Variants in SVEP1 observed in about 807,000 individuals in gnomAD.
SVEP1 encodes sushi, von Willebrand factor type A, EGF and pentraxin domain-containing protein 1.
Under a neutral mutation model 367.3 loss-of-function variants are expected in SVEP1, and 164 were observed. The observed-to-expected ratio is 0.45, with a 90% confidence interval of 0.39 to 0.51. The LOEUF is 0.51. Among genes scored for constraint, SVEP1 ranks in the 20% least tolerant of loss-of-function variants. The pLI is 0.00. For synonymous variants in SVEP1, 1,666 were observed against 1,611.6 expected (o/e 1.03, Z -0.81); for missense variants, 4,117 against 4,425.3 (o/e 0.93, Z 1.98).
At chr9:110,541,211 C>T (rs1191423477) in intron 3 of SVEP1, among the ~76,000 whole-genome samples, 1 of 152,146 alleles carries the variant, frequency 6.6e-6, no homozygotes, top group Non-Finnish European at 1.5e-5. Flanking sequence ...TAACTCATCT[C>T]AGCATCTGTC....
intron 1 of SVEP1, among the ~76,000 whole-genome samples, chr9:110,562,232 C>A (rs989540094): frequency 9.2e-4 from 133 of 144,494 alleles, no homozygotes; most frequent in Non-Finnish European, 7.3e-4. Context: ...ATATGAATAG[C>A]AAAAACAAAA....
chr9:110,414,790 A>C (rs1373064531), intron 36 of SVEP1, among the ~76,000 whole-genome samples: 2 of 151,982 alleles, frequency 1.3e-5, no homozygotes, highest in African/African-American at 4.9e-5. Context: ...AGCCTACTAG[A>C]TATTTAAACG....
chr9:110,493,629 G>A (rs940836903), intron 8 of SVEP1, among the ~76,000 whole-genome samples: 1 of 152,164 alleles, frequency 6.6e-6, no homozygotes, highest in African/African-American at 2.4e-5. Context: ...CTACTTGGGA[G>A]GCTGAGGTAG....
intron 13 of SVEP1, 83 bp from the exon 14 acceptor site, chr9:110,476,398 C>G (rs576557250): frequency 9.9e-7 from 1 of 1,011,654 alleles, no homozygotes; most frequent in Middle Eastern, 2.0e-4. Context: ...CTGGCCTTCA[C>G]GTCTCCATCA....
chr9:110,431,405 C>G (rs1828346963), intron 32 of SVEP1, among the ~76,000 whole-genome samples: 1 of 152,072 alleles, frequency 6.6e-6, no homozygotes, highest in Non-Finnish European at 1.5e-5. Flanking sequence ...CTCTTCACAA[C>G]AAATGAAGAA....
In SVEP1 at chr9:110,375,477, A is replaced by AAAAAAAAAAC; in HGVS notation, c.10505-15_10505-14insGTTTTTTTTT. ...GAATGCAGATTGCTAAAAAAAAAAAAAAAAAAAAAAAAAGGAGGCAGGGGG... is the reference window on the plus strand; with the variant it reads ...GAATGCAGATTGCTAAAAAAAAAAAAAAAAAAAAACAAAAAAAAAAAAAGGAGGCAGGGGG... On this transcript the variant is annotated splice_polypyrimidine_tract_variant and intron_variant, in intron 45 of 47. Coordinates refer to ENST00000374469, the MANE Select transcript of SVEP1 (RefSeq NM_153366.4). 1 of 1,515,170 alleles carries AAAAAAAAAAC rather than the reference A, an allele frequency of 6.6e-7. No homozygotes were observed. The allele number at this position is 1,515,170 out of a possible 1,614,324, so 93.9% of individuals were successfully genotyped here.
chr9:110,564,971 T>C (rs1202385948), intron 1 of SVEP1, among the ~76,000 whole-genome samples: 1 of 152,120 alleles, frequency 6.6e-6, no homozygotes, highest in African/African-American at 2.4e-5. Context: ...CAGTGTTCTT[T>C]AAATATGCAC....
chr9:110,432,444 T>C lies in SVEP1; in HGVS notation c.5233+18A>G. Reference sequence around the variant, plus strand: ...AGCTAGAATAATCTCATATAGTAGTTGCCAACATTTATCTCACCAAGGCAG... The same window carrying C: ...AGCTAGAATAATCTCATATAGTAGTCGCCAACATTTATCTCACCAAGGCAG... On this transcript the variant is annotated intron_variant, in intron 31 of 47. Coordinates refer to ENST00000374469, the MANE Select transcript of SVEP1 (RefSeq NM_153366.4). The C allele has an allele frequency of 6.2e-7, 1 of 1,604,230 alleles. No individual in the cohort carries two copies. Among genetic ancestry groups the C allele is most frequent in the South Asian group, 1.1e-5 (1 of 89,054 alleles).
chr9:110,390,127 TTATATAAGTATATA>T lies in SVEP1; in HGVS notation c.9823-554_9823-541del, dbSNP rs1564127249. Among the ~76,000 whole-genome samples, 25 of 110,672 alleles carry T rather than the reference TTATATAAGTATATA, an allele frequency of 2.3e-4. No homozygotes were observed. In the South Asian group the frequency reaches 7.2e-3, roughly 32 times the overall value. 72.6% of individuals were successfully genotyped at this position (110,672 alleles called of 152,430 possible). ...TATATAAGTATATATACATACATACTTATATAAGTATATATACAAGTATATACATACATACTTAT... is the reference window on the plus strand; with the variant it reads ...TATATAAGTATATATACATACATACTTACAAGTATATACATACATACTTAT... On this transcript the variant is annotated intron_variant, in intron 40 of 47. Coordinates refer to ENST00000374469, the MANE Select transcript of SVEP1 (RefSeq NM_153366.4).
At chr9:110,446,816 T>A in intron 25 of SVEP1, 84 bp downstream of exon 25, 5 of 1,283,796 alleles carry the variant, frequency 3.9e-6, no homozygotes, top group Non-Finnish European at 5.0e-6. Context: ...CTACGGACAC[T>A]GCTTGGTGCA....
chr9:110,390,906 T>C (rs1490987880), intron 40 of SVEP1, among the ~76,000 whole-genome samples: 1 of 152,086 alleles, frequency 6.6e-6, no homozygotes, highest in Non-Finnish European at 1.5e-5. Flanking sequence ...GTTTACCCAA[T>C]TAACTCAGGG....
intron 5 of SVEP1, among the ~76,000 whole-genome samples, chr9:110,512,331 C>A (rs76340547): frequency 6.6e-6 from 1 of 151,942 alleles, no homozygotes; most frequent in African/African-American, 2.4e-5. Flanking sequence ...AAAGTAGGTC[C>A]TGGAGTTGGC....
chr9:110,366,972 C>A (rs1827211291), intron 47 of SVEP1, among the ~76,000 whole-genome samples: 1 of 152,198 alleles, frequency 6.6e-6, no homozygotes, highest in Admixed American at 6.5e-5. Flanking sequence ...CAATTTCCTT[C>A]TGAACAACTG....
At chr9:110,483,058 G>A (rs1354893355) in intron 10 of SVEP1, among the ~76,000 whole-genome samples, 1 of 152,142 alleles carries the variant, frequency 6.6e-6, no homozygotes, top group African/African-American at 2.4e-5. Flanking sequence ...CTAGGCAATA[G>A]GTAAGTCTGC....
At chr9:110,392,133 T>TTTTATATATATATA (rs1554710906) in intron 40 of SVEP1, among the ~76,000 whole-genome samples, 22 of 99,666 alleles carry the variant, frequency 2.2e-4, no homozygotes, top group African/African-American at 3.9e-4. Context: ...CAATTCCTCA[T>TTTTATATATATATA]TATATATATA....
intron 40 of SVEP1, among the ~76,000 whole-genome samples, chr9:110,390,214 C>CA (rs1827620189): frequency 1.8e-5 from 1 of 55,154 alleles, no homozygotes; most frequent in Non-Finnish European, 3.6e-5. Context: ...TATGTATATA[C>CA]TTGTATATAT....
chr9:110,552,755 T>C (rs1405353599), intron 1 of SVEP1, among the ~76,000 whole-genome samples: 1 of 152,180 alleles, frequency 6.6e-6, no homozygotes. Context: ...TGTGGCCCAG[T>C]TCCTAACAGG....
intron 7 of SVEP1, among the ~76,000 whole-genome samples, chr9:110,497,867 T>C (rs1829475166): frequency 6.6e-6 from 1 of 152,236 alleles, no homozygotes; most frequent in Non-Finnish European, 1.5e-5. Context: ...CGTCTTCTTG[T>C]TTCTTCAAAA....
chr9:110,465,828 G>T (rs754367263), intron 18 of SVEP1, 37 bp downstream of exon 18: 1 of 1,596,344 alleles, frequency 6.3e-7, no homozygotes, highest in Admixed American at 1.7e-5. Flanking sequence ...GAACCTAGTA[G>T]GTTTAAAGAA....
Sources: allele counts gnomAD v4.1 joint callset (sites outside exome capture counted in the v4.1 genomes callset), GRCh38; gene constraint gnomAD v4.1.1; transcripts MANE v1.5; gene names NCBI Gene and HGNC (gene_info 2026-07-23, HGNC 2026-07-21).